The following NRG3 variants were observed in gnomAD, a reference collection of about 807,000 sequenced individuals.
The protein encoded by NRG3 is neuregulin 3, also known as pro-neuregulin-3, membrane-bound isoform.
A neutral mutation model predicts 66.9 loss-of-function variants in NRG3; 31 were observed. The ratio of observed to expected loss-of-function variants is 0.46; its 90% CI spans 0.35 to 0.63. The LOEUF (loss-of-function observed/expected upper bound fraction) is 0.63. NRG3 is among the 20% of genes least tolerant of loss of function. NRG3 has a pLI of 0.00. For synonymous variants in NRG3, 393 were observed against 359.4 expected (o/e 1.09, Z -1.06); for missense variants, 910 against 878.9 (o/e 1.04, Z -0.45).
At chr10:82,322,370 A>C (rs1255197854) in intron 1 of NRG3, among the ~76,000 whole-genome samples, 1 of 151,980 alleles carries the variant, frequency 6.6e-6, no homozygotes, top group African/African-American at 2.4e-5. Context: ...GGTGAAGAAT[A>C]TGTAAGTAGG....
intron 1 of NRG3, among the ~76,000 whole-genome samples, chr10:82,140,731 AAAAAAT>A (rs1305499409): frequency 2.6e-5 from 4 of 152,166 alleles, no homozygotes; most frequent in Non-Finnish European, 5.9e-5. Flanking sequence ...CCCCGTCTCA[AAAAAAT>A]AAAAATAAAA....
chr10:82,231,422 A>G (rs937956665), intron 1 of NRG3, among the ~76,000 whole-genome samples: 1 of 152,104 alleles, frequency 6.6e-6, no homozygotes, highest in Non-Finnish European at 1.5e-5. Context: ...AAAACATGAG[A>G]CCTTCAGATT....
rs549231570 is a variant in NRG3 at position 81,875,385 on chromosome 10, G to A, written c.45G>A (p.Ser15=). 4.0e-5 allele frequency: 40 copies of A among 995,320 alleles called. No homozygotes were observed. Among genetic ancestry groups the A allele is most frequent in the Middle Eastern group, 4.6e-4 (1 of 2,156 alleles). The allele number at this position is 995,320 out of a possible 1,614,324, so 61.7% of individuals were successfully genotyped here. The change falls in exon 1 of 9, where the codon TCG becomes TCA. Residue 15 remains serine, a synonymous_variant. Transcript: ENST00000372141. The surrounding 1 kb of genome is among the most constrained non-coding windows in gnomAD (Gnocchi z 5.3). ...CTGCCTCGCCACCTGGTGCCGCTTC[G>A]GCAGCCGCCGCCTCGGCCGAGGAGG... The part of the protein sequence containing the change: ...AAAASPPGAA[S]AAAASAEEGT...
intron 1 of NRG3, among the ~76,000 whole-genome samples, chr10:81,952,743 A>T (rs1053708954): frequency 1.3e-5 from 2 of 152,094 alleles, no homozygotes; most frequent in African/African-American, 4.8e-5. Flanking sequence ...ACTTGGGACT[A>T]AAGGTGTGCA....
chr10:82,885,291 AAC>A (rs1842632510), intron 4 of NRG3, among the ~76,000 whole-genome samples: 1 of 152,164 alleles, frequency 6.6e-6, no homozygotes, highest in Non-Finnish European at 1.5e-5. Flanking sequence ...CTGTAGCTGA[AAC>A]AGGAGCATTA....
intron 6 of NRG3, among the ~76,000 whole-genome samples, chr10:82,973,437 A>G (rs761706008): frequency 2.0e-5 from 3 of 152,122 alleles, no homozygotes; most frequent in Non-Finnish European, 4.4e-5. Context: ...TAGTAATTCA[A>G]TTTTTTTGGT....
intron 1 of NRG3, among the ~76,000 whole-genome samples, chr10:82,310,463 A>G (rs958286944): frequency 6.6e-6 from 1 of 152,236 alleles, no homozygotes; most frequent in Non-Finnish European, 1.5e-5. Context: ...TTATACAACT[A>G]TGAAAGTAGT....
chr10:82,547,010 G>A (rs1027250322), intron 2 of NRG3, among the ~76,000 whole-genome samples: 12 of 151,852 alleles, frequency 7.9e-5, no homozygotes, highest in South Asian at 2.1e-4. Flanking sequence ...AGTTGGCACC[G>A]CAAAATATTT....
chr10:82,164,920 CCTT>C (rs773108596), intron 1 of NRG3, among the ~76,000 whole-genome samples: 3 of 151,934 alleles, frequency 2.0e-5, no homozygotes, highest in Non-Finnish European at 4.4e-5. Context: ...TAGTATTTAG[CCTT>C]CTAATCTTTT....
At chr10:82,145,660 T>G (rs1487155574) in intron 1 of NRG3, among the ~76,000 whole-genome samples, 1 of 152,222 alleles carries the variant, frequency 6.6e-6, no homozygotes, top group African/African-American at 2.4e-5. Context: ...TGTGTGTTAA[T>G]TGCTTCGTTA....
chr10:82,771,902 C>T (rs569145255), intron 3 of NRG3, among the ~76,000 whole-genome samples: 2 of 152,046 alleles, frequency 1.3e-5, no homozygotes, highest in Non-Finnish European at 2.9e-5. Context: ...TTTGATTTCT[C>T]CCTCTTACTT....
chr10:81,951,042 G>A (rs1849304752), intron 1 of NRG3, among the ~76,000 whole-genome samples: 1 of 152,104 alleles, frequency 6.6e-6, no homozygotes, highest in African/African-American at 2.4e-5. Flanking sequence ...TTTGACCATT[G>A]GAGGGTTACA....
chr10:82,794,021 G>A (rs2060695903), intron 3 of NRG3, among the ~76,000 whole-genome samples: 1 of 152,096 alleles, frequency 6.6e-6, no homozygotes, highest in African/African-American at 2.4e-5. Flanking sequence ...CAAACTGCCT[G>A]AACTATTGCT....
chr10:82,445,632 C>A (rs1431467384), intron 2 of NRG3, among the ~76,000 whole-genome samples: 1 of 152,158 alleles, frequency 6.6e-6, no homozygotes, highest in Non-Finnish European at 1.5e-5. Flanking sequence ...ATTTTCCTCT[C>A]CTCTCCACCT....
intron 3 of NRG3, among the ~76,000 whole-genome samples, chr10:82,762,695 C>T (rs2059376237): frequency 6.6e-6 from 1 of 152,118 alleles, no homozygotes; most frequent in African/African-American, 2.4e-5. Context: ...TCAATGTATT[C>T]AACTCTTGTC....
intron 3 of NRG3, among the ~76,000 whole-genome samples, chr10:82,791,955 T>A (rs1039777625): frequency 6.6e-6 from 1 of 152,200 alleles, no homozygotes; most frequent in African/African-American, 2.4e-5. Flanking sequence ...TAGTTTTTAC[T>A]GCTTTTATGG....
intron 2 of NRG3, among the ~76,000 whole-genome samples, chr10:82,610,426 A>C (rs1211958413): frequency 6.6e-6 from 1 of 152,202 alleles, no homozygotes; most frequent in Non-Finnish European, 1.5e-5. Flanking sequence ...TTAATTCATT[A>C]ACATATAATT....
Position 82,957,217 on chromosome 10 carries a change from T to C in NRG3, c.1158-1732T>C, listed in dbSNP as rs1474871399. Among the ~76,000 whole-genome samples, 3 of 151,934 alleles carry C rather than the reference T, an allele frequency of 2.0e-5. No individual in the cohort carries two copies. The East Asian group carries it at 5.8e-4, about 29-fold the overall frequency. On this transcript the variant is annotated intron_variant, in intron 5 of 8. Transcript: ENST00000372141. Reference sequence around the variant, plus strand: ...ACCACAGTGTCCGTGGAAGATAGCTTTTATGAACTTCATTTACAGAGGAGG... The same window carrying C: ...ACCACAGTGTCCGTGGAAGATAGCTCTTATGAACTTCATTTACAGAGGAGG...
intron 1 of NRG3, among the ~76,000 whole-genome samples, chr10:82,293,458 A>T (rs778840917): frequency 6.6e-6 from 1 of 152,196 alleles, no homozygotes; most frequent in African/African-American, 2.4e-5. Context: ...ACAGAATCAC[A>T]CTTTGGTGAT....
Sources: gnomAD v4.1 joint callset for allele counts (sites outside exome capture counted in the v4.1 genomes callset) on GRCh38, gnomAD v4.1.1 for gene constraint, Gnocchi (gnomAD v3.1) non-coding constraint, MANE v1.5 for transcripts, NCBI Gene and HGNC (gene_info 2026-07-23, HGNC 2026-07-21) for gene names.